The following PRORP variants were observed in gnomAD, a reference collection of about 807,000 sequenced individuals.
PRORP encodes the protein mitochondrial ribonuclease P catalytic subunit.
In PRORP, 51 loss-of-function variants were observed where a neutral mutation model predicts 59.4. That is an observed-to-expected ratio of 0.86 (90% confidence interval 0.69 to 1.08). The LOEUF (loss-of-function observed/expected upper bound fraction) is 1.08, where lower values mean the gene tolerates loss of function less well. Among genes scored for constraint, PRORP ranks in the 50% least tolerant of loss-of-function variants. PRORP has a pLI of 0.00. For missense variants in PRORP, 646 were observed against 690.3 expected, an observed-to-expected ratio of 0.94 and a Z score of 0.72; for synonymous variants, 231 against 245.6, an observed-to-expected ratio of 0.94 and a Z score of 0.55.
chr14:35,241,033 G>A (rs1442768725), intron 5 of PRORP, among the ~76,000 whole-genome samples: 2 of 152,012 alleles, frequency 1.3e-5, no homozygotes, highest in Non-Finnish European at 2.9e-5. Context: ...TACTTACATA[G>A]CATTCACATT....
chr14:35,231,239 A>G (rs1265217458), intron 5 of PRORP, among the ~76,000 whole-genome samples: 1 of 152,174 alleles, frequency 6.6e-6, no homozygotes, highest in Admixed American at 6.5e-5. Flanking sequence ...TGGGTTTTTT[A>G]ATCTACTAAA....
rs762794607 is a variant in PRORP, at chr14:35,273,478, C to T, written c.1664C>T (p.Ser555Leu). ...YDTVVQTTGD[S>L]WHIPYDEDLV... ...ACAGTGGTGCAAACAACTGGAGACT[C>T]GTGGCACATACCATATGATGAAGAC... is the stretch of plus-strand genomic sequence containing the variant. Residue 555 changes from serine (S) to leucine (L), a missense_variant, in exon 8 of 8, where the codon TCG becomes TTG. Physicochemically the swap from Ser to Leu is moderately radical, Grantham distance 145. Coordinates refer to ENST00000534898, the MANE Select transcript of PRORP (RefSeq NM_014672.4). 7.4e-6 allele frequency: 12 copies of T among 1,613,330 alleles called. No homozygotes were observed. The South Asian group carries it at 9.9e-5, about 13-fold the overall frequency.
At chr14:35,240,290 C>T (rs968209870) in intron 5 of PRORP, among the ~76,000 whole-genome samples, 11 of 91,328 alleles carry the variant, frequency 1.2e-4, no homozygotes, top group Admixed American at 6.2e-4. Context: ...AACTTTTAAA[C>T]CATCTTTTTT....
intron 2 of PRORP, 40 bp downstream of exon 2, chr14:35,124,271 A>C (rs776160361): frequency 1.8e-6 from 2 of 1,140,292 alleles, no homozygotes; most frequent in East Asian, 5.8e-5. Context: ...TTATTCTTTA[A>C]TTTTTTTTTT....
chr14:35,233,618 A>C (rs1389792660), intron 5 of PRORP, among the ~76,000 whole-genome samples: 1 of 151,986 alleles, frequency 6.6e-6, no homozygotes, highest in South Asian at 2.1e-4. Flanking sequence ...AGGCCACCCT[A>C]AAATTTGCTT....
chr14:35,246,726 A>G (rs1360771784), intron 5 of PRORP, among the ~76,000 whole-genome samples: 3 of 152,204 alleles, frequency 2.0e-5, no homozygotes, highest in Non-Finnish European at 2.9e-5. Context: ...CTTAACCTGA[A>G]AGTTTATGTT....
chr14:35,250,713 C>T (rs145064512), intron 5 of PRORP, among the ~76,000 whole-genome samples: 2 of 152,270 alleles, frequency 1.3e-5, no homozygotes, highest in African/African-American at 4.8e-5. Flanking sequence ...CCCTGAACCA[C>T]CTTATCAAAT....
At chr14:35,160,648 A>G (rs1385755156) in intron 4 of PRORP, among the ~76,000 whole-genome samples, 1 of 152,208 alleles carries the variant, frequency 6.6e-6, no homozygotes, top group Non-Finnish European at 1.5e-5. Flanking sequence ...CTTTATAAAG[A>G]AAGGAAACAG....
intron 4 of PRORP, among the ~76,000 whole-genome samples, chr14:35,159,688 A>C (rs1001305552): frequency 2.2e-4 from 34 of 152,220 alleles, no homozygotes; most frequent in African/African-American, 7.5e-4. Flanking sequence ...TGTCATAGCT[A>C]CCATTTCAGT....
At position 35,180,172 on chromosome 14, in the gene PRORP, T is replaced by C. The variant is rs1302645160; in HGVS notation, c.1168-498T>C. ...GGCTACTCGGGGGTCAGGGACCCACTTGAGGAGGCAGTCTGTCCATTCTCA... is the reference window on the plus strand; with the variant it reads ...GGCTACTCGGGGGTCAGGGACCCACCTGAGGAGGCAGTCTGTCCATTCTCA... On this transcript the variant is annotated intron_variant, in intron 4 of 7. Coordinates refer to ENST00000534898, the MANE Select transcript of PRORP (RefSeq NM_014672.4). Among the ~76,000 whole-genome samples the C allele has an allele frequency of 2.0e-5, 3 of 152,266 alleles. No homozygotes were observed. In the East Asian group the frequency reaches 5.8e-4, roughly 29 times the overall value.
intron 4 of PRORP, among the ~76,000 whole-genome samples, chr14:35,170,714 T>C (rs2048293791): frequency 6.6e-6 from 1 of 152,216 alleles, no homozygotes. Context: ...GTATATTCTT[T>C]TTTATAAATA....
At chr14:35,257,083 C>T (rs2050780748) in intron 5 of PRORP, among the ~76,000 whole-genome samples, 1 of 152,046 alleles carries the variant, frequency 6.6e-6, no homozygotes, top group South Asian at 2.1e-4. Flanking sequence ...CCATGTTAAC[C>T]AGGCTGGTCT....
intron 4 of PRORP, among the ~76,000 whole-genome samples, chr14:35,175,662 A>T (rs141467921): frequency 0.59 from 88,338 of 150,480 alleles, 26,128 homozygotes; most frequent in East Asian, 0.69. Flanking sequence ...ATGAGTAGAT[A>T]GCAAAAATTT....
chr14:35,265,582 G>T (rs1204386684), intron 5 of PRORP, among the ~76,000 whole-genome samples: 3 of 152,132 alleles, frequency 2.0e-5, no homozygotes, highest in African/African-American at 7.2e-5. Context: ...CTGGAAAGTA[G>T]GCTACAGGGT....
At chr14:35,271,083 T>C (rs1385293320) in intron 7 of PRORP, among the ~76,000 whole-genome samples, 1 of 150,250 alleles carries the variant, frequency 6.7e-6, no homozygotes, top group Non-Finnish European at 1.5e-5. Context: ...CAAGACTCCG[T>C]CTCAAAAACA....
chr14:35,129,043 A>G (rs1344268648), intron 4 of PRORP, among the ~76,000 whole-genome samples: 1 of 94,498 alleles, frequency 1.1e-5, no homozygotes, highest in African/African-American at 4.4e-5. Flanking sequence ...CTAAAAATAC[A>G]AAAAAAAAAA....
chr14:35,143,015 T>C (rs753206980), intron 4 of PRORP, among the ~76,000 whole-genome samples: 2 of 145,178 alleles, frequency 1.4e-5, no homozygotes, highest in Admixed American at 7.2e-5. Flanking sequence ...TTTGTTTTCT[T>C]GTTGTAAAAA....
intron 5 of PRORP, among the ~76,000 whole-genome samples, chr14:35,192,980 A>G (rs56997852): frequency 0.15 from 18,093 of 119,784 alleles, 1,163 homozygotes; most frequent in Middle Eastern, 0.2. Context: ...GTGACAGAGT[A>G]GAAAAAAAAA....
chr14:35,239,376 C>T (rs2050303478), intron 5 of PRORP, among the ~76,000 whole-genome samples: 1 of 151,148 alleles, frequency 6.6e-6, no homozygotes, highest in African/African-American at 2.4e-5. Context: ...ACAAACTACA[C>T]TAAATCCACT....
Sources: allele counts gnomAD v4.1 joint callset (sites outside exome capture counted in the v4.1 genomes callset), GRCh38; gene constraint gnomAD v4.1.1; transcripts MANE v1.5; gene names NCBI Gene and HGNC (gene_info 2026-07-23, HGNC 2026-07-21).